The following ZMAT4 variants were observed in gnomAD, a reference collection of about 807,000 sequenced individuals.
The protein encoded by ZMAT4 is zinc finger matrin-type 4.
A neutral mutation model predicts 28.7 loss-of-function variants in ZMAT4; 17 were observed. That is an observed-to-expected ratio of 0.59 (90% CI 0.41 to 0.89). The LOEUF is 0.89. Ranked by LOEUF, ZMAT4 falls within the 40% of genes least tolerant of loss-of-function variation. The pLI is 0.00. For missense variants in ZMAT4, 240 were observed against 283.8 expected, an observed-to-expected ratio of 0.85 and a Z score of 1.11; for synonymous variants, 117 against 109.2, an observed-to-expected ratio of 1.07 and a Z score of -0.44.
chr8:40,894,310 T>C (rs1280631823), intron 1 of ZMAT4, among the ~76,000 whole-genome samples: 1 of 152,176 alleles, frequency 6.6e-6, no homozygotes. Flanking sequence ...ACCTCATTGC[T>C]CCCCTAGGGT....
chr8:40,619,824 G>A (rs971356497), intron 5 of ZMAT4, among the ~76,000 whole-genome samples: 2 of 152,208 alleles, frequency 1.3e-5, no homozygotes, highest in African/African-American at 4.8e-5. Context: ...TGGGAAGAGA[G>A]TGTGAAGGGA....
intron 1 of ZMAT4, among the ~76,000 whole-genome samples, chr8:40,880,655 G>A (rs1818189434): frequency 6.6e-6 from 1 of 152,072 alleles, no homozygotes; most frequent in African/African-American, 2.4e-5. Context: ...AGGAAGAAAC[G>A]AGGTACAACC....
intron 1 of ZMAT4, among the ~76,000 whole-genome samples, chr8:40,845,859 G>A (rs1469254763): frequency 1.3e-5 from 2 of 151,206 alleles, no homozygotes; most frequent in African/African-American, 4.9e-5. Context: ...CAATGATAGA[G>A]CCAAGCATCA....
At chr8:40,742,658 T>C (rs1450324519) in intron 3 of ZMAT4, among the ~76,000 whole-genome samples, 1 of 152,122 alleles carries the variant, frequency 6.6e-6, no homozygotes, top group Non-Finnish European at 1.5e-5. Context: ...ATCTACTTCA[T>C]ACATTCTTGA....
In ZMAT4 at chr8:40,531,676, T is replaced by C. The variant is rs1411256860; in HGVS notation, c.*547A>G. ...GTCTTCATTGTTCAGATGGTAAACC[T>C]GGCTCCTGTGCTTGGAGAACGGAGA... On this transcript the variant is annotated 3_prime_UTR_variant, in exon 7 of 7. Transcript: ENST00000297737. 2 of 152,398 alleles carry C rather than the reference T, an allele frequency of 1.3e-5. No individual in the cohort carries two copies. Among genetic ancestry groups the C allele is most frequent in the Non-Finnish European group, 2.9e-5 (2 of 68,060 alleles). 9.4% of individuals were successfully genotyped at this position (152,398 alleles called of 1,614,324 possible).
chr8:40,722,228 T>C (rs949178508), intron 3 of ZMAT4, among the ~76,000 whole-genome samples: 1 of 151,860 alleles, frequency 6.6e-6, no homozygotes, highest in Non-Finnish European at 1.5e-5. Flanking sequence ...ACCATCAGAG[T>C]GAACAGGCAA....
At chr8:40,755,869 G>A (rs1394300503) in intron 3 of ZMAT4, among the ~76,000 whole-genome samples, 1 of 152,108 alleles carries the variant, frequency 6.6e-6, no homozygotes, top group African/African-American at 2.4e-5. Context: ...ACAGGCAGTG[G>A]CTGAATTTGG....
intron 2 of ZMAT4, among the ~76,000 whole-genome samples, chr8:40,789,945 A>G (rs1369351444): frequency 6.6e-6 from 1 of 152,182 alleles, no homozygotes; most frequent in African/African-American, 2.4e-5. Context: ...CTGGAAAAAA[A>G]GCCAAATATC....
At chr8:40,574,432 C>T (rs1393185169) in intron 6 of ZMAT4, among the ~76,000 whole-genome samples, 1 of 151,656 alleles carries the variant, frequency 6.6e-6, no homozygotes, top group Non-Finnish European at 1.5e-5. Context: ...TAGGCAAATC[C>T]ATATTTATAG....
chr8:40,827,486 A>G (rs1291272981), intron 1 of ZMAT4, among the ~76,000 whole-genome samples: 1 of 152,220 alleles, frequency 6.6e-6, no homozygotes, highest in Non-Finnish European at 1.5e-5. Flanking sequence ...GACCACATTC[A>G]TAAAGTATCT....
chr8:40,850,511 C>A (rs1484210809), intron 1 of ZMAT4, among the ~76,000 whole-genome samples: 1 of 152,134 alleles, frequency 6.6e-6, no homozygotes, highest in Non-Finnish European at 1.5e-5. Flanking sequence ...CTAACTTCCG[C>A]CCCCCAAAAT....
intron 5 of ZMAT4, among the ~76,000 whole-genome samples, chr8:40,591,618 C>A (rs943490522): frequency 6.6e-6 from 1 of 151,700 alleles, no homozygotes; most frequent in Non-Finnish European, 1.5e-5. Flanking sequence ...GCAGAAAAAA[C>A]AGCCTTACAA....
chr8:40,592,732 G>A (rs183779359), intron 5 of ZMAT4, among the ~76,000 whole-genome samples: 2 of 152,268 alleles, frequency 1.3e-5, no homozygotes, highest in Middle Eastern at 3.4e-3. Flanking sequence ...GGACACAGTA[G>A]ATCATTCTAA....
intron 1 of ZMAT4, among the ~76,000 whole-genome samples, chr8:40,858,266 G>A (rs917294324): frequency 3.3e-5 from 5 of 152,168 alleles, no homozygotes. Flanking sequence ...GGAAATCAAT[G>A]GGGGTGAGGC....
intron 1 of ZMAT4, among the ~76,000 whole-genome samples, chr8:40,855,394 G>T (rs946280162): frequency 6.6e-6 from 1 of 152,076 alleles, no homozygotes; most frequent in African/African-American, 2.4e-5. Context: ...AGGCTCAGAT[G>T]ATTCCAAGCA....
chr8:40,559,604 C>T (rs1035148999), intron 6 of ZMAT4, among the ~76,000 whole-genome samples: 3 of 152,142 alleles, frequency 2.0e-5, no homozygotes, highest in Non-Finnish European at 4.4e-5. Context: ...GAATGCCCAT[C>T]TTGTAGGTTG....
At chr8:40,666,178 T>C (rs1466293908) in intron 5 of ZMAT4, among the ~76,000 whole-genome samples, 1 of 152,212 alleles carries the variant, frequency 6.6e-6, no homozygotes, top group African/African-American at 2.4e-5. Context: ...GCAAGAAGAA[T>C]TTAATCTATA....
chr8:40,878,536 C>G (rs1248685012), intron 1 of ZMAT4, among the ~76,000 whole-genome samples: 1 of 152,224 alleles, frequency 6.6e-6, no homozygotes, highest in East Asian at 1.9e-4. Context: ...TCACTCCACA[C>G]AGGCCAAGGC....
chr8:40,544,597 T>C (rs1803141517), intron 6 of ZMAT4, among the ~76,000 whole-genome samples: 1 of 152,168 alleles, frequency 6.6e-6, no homozygotes, highest in Admixed American at 6.5e-5. Context: ...GGGTATAACT[T>C]TTTTTCTAGT....
Sources: allele counts gnomAD v4.1 joint callset (sites outside exome capture counted in the v4.1 genomes callset), GRCh38; gene constraint gnomAD v4.1.1; transcripts MANE v1.5; gene names NCBI Gene and HGNC (gene_info 2026-07-23, HGNC 2026-07-21).